CC2D2A: variants seen among roughly 807,000 people sequenced by gnomAD.
The protein encoded by CC2D2A is coiled-coil and C2 domain containing 2A, also known as coiled-coil and C2 domain-containing protein 2A.
CC2D2A carries 155 observed loss-of-function variants against 212.9 expected under a neutral mutation model. That is an observed-to-expected ratio of 0.73 (90% CI 0.64 to 0.83). The LOEUF is 0.83. Ranked by LOEUF, CC2D2A falls within the 40% of genes least tolerant of loss-of-function variation. The pLI, the probability that CC2D2A is intolerant of heterozygous loss-of-function variation, is 0.00. For synonymous variants in CC2D2A, 667 were observed against 686.5 expected, an observed-to-expected ratio of 0.97 and a Z score of 0.44; for missense variants, 1,856 against 1,956.2, an observed-to-expected ratio of 0.95 and a Z score of 0.97.
intron 4 of CC2D2A, chr4:15,482,444 G>A (rs983335652): frequency 8.1e-6 from 3 of 368,206 alleles, no homozygotes; most frequent in East Asian, 3.3e-4. Flanking sequence ...AGCATGGCCG[G>A]TTTCCAGTGA....
chr4:15,486,346 T>C (rs1291419148), intron 4 of CC2D2A, among the ~76,000 whole-genome samples: 1 of 152,116 alleles, frequency 6.6e-6, no homozygotes, highest in Non-Finnish European at 1.5e-5. Flanking sequence ...TTGTTTTTTG[T>C]CTATTCAGAT....
At chr4:15,494,019 G>A (rs1294482208) in intron 4 of CC2D2A, among the ~76,000 whole-genome samples, 2 of 152,138 alleles carry the variant, frequency 1.3e-5, no homozygotes, top group Admixed American at 1.3e-4. Context: ...TGCAGTTCTT[G>A]GCCCTCCTGA....
At chr4:15,534,609 G>A (rs1718024593) in intron 14 of CC2D2A, among the ~76,000 whole-genome samples, 1 of 152,130 alleles carries the variant, frequency 6.6e-6, no homozygotes, top group Non-Finnish European at 1.5e-5. Flanking sequence ...CTTTCTGATT[G>A]TTTCACCTGG....
Position 15,589,559 on chromosome 4 carries a change from T to C in CC2D2A, c.4194T>C (p.Tyr1398=), listed in dbSNP as rs752902174. The C allele has an allele frequency of 4.3e-6, 7 of 1,612,356 alleles. No individual in the cohort carries two copies. In the Admixed American group the frequency reaches 5.0e-5, roughly 12 times the overall value. The change falls in exon 33 of 37, where the codon TAT becomes TAC. Residue 1398 remains tyrosine, a synonymous_variant. Coordinates refer to ENST00000424120, the MANE Select transcript of CC2D2A (RefSeq NM_001378615.1). ...TCTTCTTTCAGGGTCCAACTGCCTA[T>C]GTGCTAACTTGGGAGCAAGGTCGTT... is the stretch of plus-strand genomic sequence containing the variant. ...GNAIPEGPTA[Y]VLTWEQGRYL...
Position 15,480,158 on chromosome 4 carries a change from A to G in CC2D2A, c.124-546A>G, listed in dbSNP as rs558866055. 7.7e-4 allele frequency among the ~76,000 whole-genome samples: 118 copies of G among 152,326 alleles called. 1 individual carries two copies. Among genetic ancestry groups the G allele is most frequent in the African/African-American group, 2.7e-3 (113 of 41,556 alleles). On this transcript the variant is annotated intron_variant, in intron 3 of 36. Transcript: ENST00000424120. Reference sequence around the variant, plus strand: ...CAGATAAGAAAGCAGTGTACAAGGAAGTTAACTAACTTGCCCAAAGTCCCA... The same window carrying G: ...CAGATAAGAAAGCAGTGTACAAGGAGGTTAACTAACTTGCCCAAAGTCCCA...
At chr4:15,581,080 C>G (rs1440253556) in intron 30 of CC2D2A, among the ~76,000 whole-genome samples, 1 of 152,134 alleles carries the variant, frequency 6.6e-6, no homozygotes, top group Non-Finnish European at 1.5e-5. Context: ...TAACCCATAA[C>G]TGCCTTTGGA....
chr4:15,500,075 T>TTGTGTGTGTGTGTG (rs753590658), intron 4 of CC2D2A, among the ~76,000 whole-genome samples: 1 of 124,436 alleles, frequency 8.0e-6, no homozygotes, highest in East Asian at 2.4e-4. Flanking sequence ...CAAACCTAGA[T>TTGTGTGTGTGTGTG]TGTGTGTGTG....
chr4:15,560,155 TG>T (rs1719503105), intron 22 of CC2D2A, among the ~76,000 whole-genome samples: 1 of 152,124 alleles, frequency 6.6e-6, no homozygotes, highest in Non-Finnish European at 1.5e-5. Context: ...AATTAGGAAG[TG>T]AATCATTCTG....
intron 33 of CC2D2A, among the ~76,000 whole-genome samples, chr4:15,592,235 C>T (rs1252776712): frequency 6.6e-6 from 1 of 152,196 alleles, no homozygotes; most frequent in African/African-American, 2.4e-5. Flanking sequence ...TTGATACGCT[C>T]AGGGGTCCAA....
At chr4:15,493,940 A>G (rs1414437870) in intron 4 of CC2D2A, among the ~76,000 whole-genome samples, 1 of 152,196 alleles carries the variant, frequency 6.6e-6, no homozygotes, top group Non-Finnish European at 1.5e-5. Context: ...AACTTTTCAT[A>G]TCATTTCTAC....
chr4:15,541,683 A>G (rs1482261335), intron 17 of CC2D2A, among the ~76,000 whole-genome samples: 2 of 152,170 alleles, frequency 1.3e-5, no homozygotes, highest in Non-Finnish European at 2.9e-5. Context: ...AGAGAAATCA[A>G]TTATGCCGCA....
In CC2D2A at chr4:15,550,996, A is replaced by G. The variant is rs777390329; in HGVS notation, c.2338+16A>G. 9.6e-6 allele frequency: 15 copies of G among 1,559,102 alleles called. No homozygotes were observed. The African/African-American group carries it at 1.5e-4, about 15-fold the overall frequency. On this transcript the variant is annotated intron_variant, in intron 18 of 36. Coordinates refer to ENST00000424120, the MANE Select transcript of CC2D2A (RefSeq NM_001378615.1). ...GTTGGAAGTGGTATGGAAAGCTAAT[A>G]TCTTCAATGGTTCACTGTTTCATTG...
intron 11 of CC2D2A, among the ~76,000 whole-genome samples, chr4:15,521,914 T>G (rs1349479623): frequency 6.6e-6 from 1 of 152,230 alleles, no homozygotes; most frequent in Admixed American, 6.5e-5. Flanking sequence ...AGTTGGCAAT[T>G]ACAGCTAGGA....
intron 17 of CC2D2A, among the ~76,000 whole-genome samples, chr4:15,545,696 G>A (rs1792232696): frequency 6.9e-6 from 1 of 144,702 alleles, no homozygotes; most frequent in Admixed American, 6.9e-5. Context: ...ATGGGCTCAG[G>A]GCCTGGCAGT....
At chr4:15,590,827 C>A (rs1721070645) in intron 33 of CC2D2A, among the ~76,000 whole-genome samples, 1 of 152,292 alleles carries the variant, frequency 6.6e-6, no homozygotes, top group South Asian at 2.1e-4. Context: ...ATCTCCACAT[C>A]CTGCGTTCAT....
chr4:15,576,147 C>G (rs1435278460), intron 29 of CC2D2A, among the ~76,000 whole-genome samples: 1 of 152,182 alleles, frequency 6.6e-6, no homozygotes, highest in Non-Finnish European at 1.5e-5. Context: ...TTATCTTAGA[C>G]CTCTAAAATG....
chr4:15,506,743 C>A (rs1424050306), intron 6 of CC2D2A, among the ~76,000 whole-genome samples: 2 of 152,076 alleles, frequency 1.3e-5, no homozygotes, highest in African/African-American at 4.8e-5. Flanking sequence ...CCTTACTGAC[C>A]AAGCACAGGA....
intron 22 of CC2D2A, among the ~76,000 whole-genome samples, chr4:15,559,689 C>T (rs1719471334): frequency 6.6e-6 from 1 of 150,856 alleles, no homozygotes. Context: ...TTCCTTCCTT[C>T]CTTCAATAAA....
At chr4:15,596,661 T>C (rs1413062827) in intron 34 of CC2D2A, among the ~76,000 whole-genome samples, 3 of 152,324 alleles carry the variant, frequency 2.0e-5, no homozygotes, top group Non-Finnish European at 2.9e-5. Flanking sequence ...GATAGATATA[T>C]GTATGTGTGT....
Sources: gnomAD v4.1 joint callset for allele counts (sites outside exome capture counted in the v4.1 genomes callset) on GRCh38, gnomAD v4.1.1 for gene constraint, MANE v1.5 for transcripts, NCBI Gene and HGNC (gene_info 2026-07-23, HGNC 2026-07-21) for gene names.